RRP1B: variants seen among roughly 807,000 people sequenced by gnomAD.
RRP1B encodes ribosomal RNA processing protein 1 homolog B.
RRP1B carries 56 observed loss-of-function variants against 80.2 expected under a neutral mutation model. The ratio of observed to expected loss-of-function variants is 0.70; its 90% CI spans 0.56 to 0.87. RRP1B has a LOEUF of 0.87. Among genes scored for constraint, RRP1B ranks in the 40% least tolerant of loss-of-function variants. The pLI, the probability that RRP1B is intolerant of heterozygous loss-of-function variation, is 0.00. For missense variants in RRP1B, 807 were observed against 939.8 expected (o/e 0.86, Z 1.85); for synonymous variants, 351 against 357.6 (o/e 0.98, Z 0.21).
At chr21:43,685,860 C>G in intron 11 of RRP1B, 71 bp downstream of exon 11, 1 of 1,529,162 alleles carries the variant, frequency 6.5e-7, no homozygotes, top group Non-Finnish European at 8.8e-7. Context: ...GCGTTGATGC[C>G]AAACGCTGAG....
intron 3 of RRP1B, among the ~76,000 whole-genome samples, chr21:43,673,441 C>A (rs1294593231): frequency 1.3e-5 from 2 of 152,092 alleles, no homozygotes; most frequent in African/African-American, 2.4e-5. Context: ...TGAGACCAGC[C>A]TGGCCAACAT....
intron 1 of RRP1B, among the ~76,000 whole-genome samples, chr21:43,665,687 G>A (rs1053789572): frequency 2.0e-5 from 3 of 152,026 alleles, no homozygotes; most frequent in East Asian, 1.9e-4. Context: ...AAATGAGCGC[G>A]CACTCCTAGT....
intron 1 of RRP1B, among the ~76,000 whole-genome samples, chr21:43,660,151 C>G (rs1351085828): frequency 1.3e-5 from 2 of 152,086 alleles, no homozygotes; most frequent in Non-Finnish European, 2.9e-5. Flanking sequence ...CTTTACGTGA[C>G]GGGGCTGCAG....
chr21:43,687,548 A>G lies in RRP1B; in HGVS notation c.1174A>G (p.Ser392Gly). The G allele has an allele frequency of 6.7e-7, 1 of 1,498,206 alleles. No homozygotes were observed. The highest frequency in any genetic ancestry group is 1.4e-5 in the South Asian group (1 of 73,082). The allele number at this position is 1,498,206 out of a possible 1,614,324, so 92.8% of individuals were successfully genotyped here. A position where few individuals can be genotyped will look rare whatever the true frequency, so the allele number is the denominator to read the frequency against. ...SRVFCVEEED[S>G]ESSLQKRRRK... Reference sequence around the variant, plus strand: ...AGTCTTTTGTGTAGAGGAAGAGGACAGTGAAAGCAGTCTTCAAAAGAGAAG... The same window carrying G: ...AGTCTTTTGTGTAGAGGAAGAGGACGGTGAAAGCAGTCTTCAAAAGAGAAG... Residue 392 changes from serine to glycine, a missense_variant, in exon 13 of 16, where the codon AGT (serine) becomes GGT (glycine). Coordinates refer to ENST00000340648, the MANE Select transcript of RRP1B (RefSeq NM_015056.3).
rs775194400 is a variant in RRP1B, at chr21:43,687,786, A to C, written c.1412A>C (p.Lys471Thr). The change falls in exon 13 of 16, where the codon AAA becomes ACA. Residue 471 changes from lysine (K) to threonine (T), a missense_variant. Physicochemically the swap from Lys to Thr is moderately conservative, Grantham distance 78. Transcript: ENST00000340648. ...EHPPAVPMHNKRKRPRKKSPR... is the reference protein window; with the variant it reads ...EHPPAVPMHNTRKRPRKKSPR... The stretch of plus-strand genomic sequence containing the variant: ...CCTCCAGCCGTCCCCATGCACAATA[A>C]AAGGAAACGGCCACGGAAGAAGAGC... 1 of 1,613,290 alleles carries C rather than the reference A, an allele frequency of 6.2e-7. No individual in the cohort carries two copies. Among genetic ancestry groups the C allele is most frequent in the Non-Finnish European group, 8.5e-7 (1 of 1,180,024 alleles).
chr21:43,670,750 T>C (rs1298519828), intron 2 of RRP1B, among the ~76,000 whole-genome samples: 2 of 152,078 alleles, frequency 1.3e-5, no homozygotes, highest in African/African-American at 2.4e-5. Context: ...GTTCTTCCAG[T>C]GTGACCCAGG....
chr21:43,690,582 G>T, intron 14 of RRP1B, 142 bp downstream of exon 14: 1 of 921,232 alleles, frequency 1.1e-6, no homozygotes, highest in East Asian at 2.6e-5. Flanking sequence ...TCCACGGCCA[G>T]GGTAGCATAA....
rs528778037 is a variant in RRP1B, at chr21:43,692,096, G to A, written c.2083+594G>A. 2.0e-5 allele frequency among the ~76,000 whole-genome samples: 3 copies of A among 152,306 alleles called. No homozygotes were observed. In the South Asian group the frequency reaches 6.2e-4, roughly 32 times the overall value. The stretch of plus-strand genomic sequence containing the variant: ...TACCTGGTGAGACGTGATCCAAAAA[G>A]CCGTTTTCCCAAGTGTCTTTCTAAA... On this transcript the variant is annotated intron_variant, in intron 15 of 15. Coordinates refer to ENST00000340648, the MANE Select transcript of RRP1B (RefSeq NM_015056.3).
intron 1 of RRP1B, among the ~76,000 whole-genome samples, chr21:43,664,859 A>C (rs966083715): frequency 6.6e-6 from 1 of 152,208 alleles, no homozygotes; most frequent in Non-Finnish European, 1.5e-5. Context: ...TAAAACCGTT[A>C]GATCTCATGA....
At chr21:43,670,116 GA>G (rs769222980) in intron 2 of RRP1B, 150 bp downstream of exon 2, 9 of 473,748 alleles carry the variant, frequency 1.9e-5, no homozygotes, top group Non-Finnish European at 3.4e-5. Flanking sequence ...TGTCCATACA[GA>G]AAGGGATGCA....
At chr21:43,683,899 A>G (rs2147172799) in intron 9 of RRP1B, among the ~76,000 whole-genome samples, 1 of 149,210 alleles carries the variant, frequency 6.7e-6, no homozygotes, top group South Asian at 2.2e-4. Flanking sequence ...AAATCATTTG[A>G]ACCCGGGAGG....
intron 1 of RRP1B, among the ~76,000 whole-genome samples, chr21:43,666,282 C>G (rs2082977721): frequency 6.6e-6 from 1 of 152,250 alleles, no homozygotes; most frequent in African/African-American, 2.4e-5. Flanking sequence ...TGTACCTGCT[C>G]CCAGCCACCT....
rs749053471 is a variant in RRP1B at position 43,693,276 on chromosome 21, G to A, written c.2170G>A (p.Gly724Arg). The part of the protein sequence containing the change: ...AFDPEQKPLH[G>R]VLKTPTSSPA... ...CGACCCTGAACAGAAGCCCCTCCAC[G>A]GGGTGCTGAAGACCCCCACCAGCTC... Residue 724 changes from glycine to arginine, a missense_variant, in exon 16 of 16, where the codon GGG (glycine) becomes AGG (arginine). Gly to Arg is a moderately radical substitution (Grantham distance 125). Coordinates refer to ENST00000340648, the MANE Select transcript of RRP1B (RefSeq NM_015056.3). The surrounding 1 kb of genome is among the most constrained non-coding windows in gnomAD (Gnocchi z 4.1). 8.1e-6 allele frequency: 13 copies of A among 1,613,778 alleles called. No individual in the cohort carries two copies. The highest frequency in any genetic ancestry group is 1.1e-5 in the South Asian group (1 of 91,056).
intron 6 of RRP1B, 43 bp downstream of exon 6, chr21:43,675,206 C>T: frequency 1.2e-6 from 2 of 1,602,286 alleles, no homozygotes; most frequent in Non-Finnish European, 1.7e-6. Flanking sequence ...GAGGGGGCCG[C>T]CAGTGTTCGC....
intron 13 of RRP1B, among the ~76,000 whole-genome samples, chr21:43,689,558 C>G (rs1239671436): frequency 6.6e-6 from 1 of 152,218 alleles, no homozygotes; most frequent in Non-Finnish European, 1.5e-5. Context: ...CTCAGCGCTG[C>G]TCCCTCACTA....
At chr21:43,671,053 G>A (rs367895756) in intron 2 of RRP1B, among the ~76,000 whole-genome samples, 36 of 152,266 alleles carry the variant, frequency 2.4e-4, no homozygotes, top group African/African-American at 8.4e-4. Flanking sequence ...ATTTTCCCAC[G>A]AAGGAAAACA....
chr21:43,660,666 T>C (rs905773842), intron 1 of RRP1B, among the ~76,000 whole-genome samples: 4 of 152,206 alleles, frequency 2.6e-5, no homozygotes, highest in African/African-American at 9.7e-5. Context: ...CTCTCTGGGC[T>C]GATAATCAGC....
At position 43,691,593 on chromosome 21, in the gene RRP1B, G is replaced by A; in HGVS notation, c.2083+91G>A. ...AGCCTGGTTCCACAAGGCGGTCGGG[G>A]AAGAGGGGGGTCCTAGCTCCTCACT... is the stretch of plus-strand genomic sequence containing the variant. On this transcript the variant is annotated intron_variant, in intron 15 of 15. Transcript: ENST00000340648. This position sits in a 1 kb window ranked among gnomAD's most constrained non-coding sequence, Gnocchi z 4.2. The A allele has an allele frequency of 4.7e-6, 5 of 1,064,910 alleles. No individual in the cohort carries two copies. Among genetic ancestry groups the A allele is most frequent in the Non-Finnish European group, 7.2e-6 (5 of 691,660 alleles). The allele number at this position is 1,064,910 out of a possible 1,614,324, so 66.0% of individuals were successfully genotyped here. A position where few individuals can be genotyped will look rare whatever the true frequency, so the allele number is the denominator to read the frequency against.
Position 43,691,409 on chromosome 21 carries a change from C to A in RRP1B, c.2020-30C>A. 1 of 1,611,526 alleles carries A rather than the reference C, an allele frequency of 6.2e-7. No individual in the cohort carries two copies. The highest frequency in any genetic ancestry group is 8.5e-7 in the Non-Finnish European group (1 of 1,177,942). Reference sequence around the variant, plus strand: ...GCGCCTCCACTGCACTTGCGTCACTCCTTTTGTTCCTGTTATTTCTCTTCT... The same window carrying A: ...GCGCCTCCACTGCACTTGCGTCACTACTTTTGTTCCTGTTATTTCTCTTCT... On this transcript the variant is annotated intron_variant, in intron 14 of 15. Transcript: ENST00000340648. The surrounding 1 kb of genome is among the most constrained non-coding windows in gnomAD (Gnocchi z 4.2).
Sources: allele counts gnomAD v4.1 joint callset (sites outside exome capture counted in the v4.1 genomes callset), GRCh38; gene constraint gnomAD v4.1.1; non-coding constraint Gnocchi (gnomAD v3.1); transcripts MANE v1.5; gene names NCBI Gene and HGNC (gene_info 2026-07-23, HGNC 2026-07-21).